BLK: variants seen among roughly 807,000 people sequenced by gnomAD.
BLK encodes the protein BLK proto-oncogene, Src family tyrosine kinase, also known as tyrosine-protein kinase Blk.
A neutral mutation model predicts 61.8 loss-of-function variants in BLK; 64 were observed. The ratio of observed to expected loss-of-function variants is 1.03; its 90% CI spans 0.85 to 1.27. The LOEUF is 1.27. BLK is among the 50% of genes most tolerant of loss of function. The probability of loss-of-function intolerance (pLI) is 0.00; values close to 1 mark genes in which losing one functional copy is unlikely to be tolerated. For synonymous variants in BLK, 351 were observed against 272.0 expected, an observed-to-expected ratio of 1.29 and a Z score of -2.86; for missense variants, 853 against 660.5, an observed-to-expected ratio of 1.29 and a Z score of -3.19.
chr8:11,553,309 GTGC>G (rs1030776586), intron 6 of BLK: 7 of 382,128 alleles, frequency 1.8e-5, no homozygotes, highest in African/African-American at 1.5e-4. Flanking sequence ...CGGTCCTTCA[GTGC>G]TGAGAAATCT....
chr8:11,510,745 C>T (rs932916481), intron 1 of BLK, among the ~76,000 whole-genome samples: 1 of 151,748 alleles, frequency 6.6e-6, no homozygotes, highest in African/African-American at 2.4e-5. Context: ...CGCCACTGTA[C>T]TCCAGCCAGG....
At chr8:11,510,294 C>T (rs561465185) in intron 1 of BLK, among the ~76,000 whole-genome samples, 1 of 152,108 alleles carries the variant, frequency 6.6e-6, no homozygotes, top group African/African-American at 2.4e-5. Context: ...TTCTCCAGCT[C>T]CTTGACGGCC....
At chr8:11,555,576 C>A in intron 8 of BLK, 92 bp downstream of exon 8, 1 of 1,572,242 alleles carries the variant, frequency 6.4e-7, no homozygotes, top group Non-Finnish European at 8.7e-7. Context: ...GCGTGTCATC[C>A]CTCCCCCAGA....
At chr8:11,541,741 G>A (rs910597442) in intron 1 of BLK, among the ~76,000 whole-genome samples, 3 of 152,074 alleles carry the variant, frequency 2.0e-5, no homozygotes, top group African/African-American at 7.2e-5. Context: ...CAAGGGATCT[G>A]CCCGCCTCGG....
chr8:11,559,440 GAC>G (rs550069732), intron 10 of BLK, among the ~76,000 whole-genome samples: 106 of 150,240 alleles, frequency 7.1e-4, no homozygotes, highest in African/African-American at 1.9e-3. Context: ...AACTCACACA[GAC>G]ACACAAATAC....
chr8:11,496,958 G>C (rs1182586670), intron 1 of BLK, among the ~76,000 whole-genome samples: 4 of 152,130 alleles, frequency 2.6e-5, no homozygotes, highest in African/African-American at 9.7e-5. Flanking sequence ...CAGCCTTGGG[G>C]ACTGGCCACC....
intron 1 of BLK, among the ~76,000 whole-genome samples, chr8:11,522,650 A>G (rs945842247): frequency 6.6e-6 from 1 of 151,812 alleles, no homozygotes; most frequent in Non-Finnish European, 1.5e-5. Context: ...AAGGAAGTTT[A>G]TTCACTTAAT....
At chr8:11,550,979 C>G (rs932170709) in intron 6 of BLK, among the ~76,000 whole-genome samples, 1 of 152,142 alleles carries the variant, frequency 6.6e-6, no homozygotes, top group Admixed American at 6.5e-5. Flanking sequence ...CCACCAGGAG[C>G]CCCCTCACTC....
chr8:11,557,675 C>A (rs7814414), intron 9 of BLK, among the ~76,000 whole-genome samples: 3 of 152,000 alleles, frequency 2.0e-5, no homozygotes, highest in Non-Finnish European at 2.9e-5. Flanking sequence ...GGTCCCACTC[C>A]CAGCTCCCGG....
intron 1 of BLK, among the ~76,000 whole-genome samples, chr8:11,514,333 A>C (rs1334438098): frequency 6.6e-6 from 1 of 152,196 alleles, no homozygotes; most frequent in Non-Finnish European, 1.5e-5. Context: ...GTCCTTTGCG[A>C]GAGAGAGGCA....
At chr8:11,495,323 G>T (rs1476622034) in intron 1 of BLK, among the ~76,000 whole-genome samples, 2 of 145,540 alleles carry the variant, frequency 1.4e-5, no homozygotes, top group Non-Finnish European at 3.0e-5. Context: ...AGTAACAGAA[G>T]AAATTGCTGT....
chr8:11,545,961 A>G (rs1018069141), intron 2 of BLK, 91 bp from the exon 3 acceptor site: 45 of 1,370,824 alleles, frequency 3.3e-5, no homozygotes, highest in Non-Finnish European at 4.5e-5. Context: ...CCCTGGAGAT[A>G]CCCTGGCTGC....
intron 1 of BLK, among the ~76,000 whole-genome samples, chr8:11,523,740 G>C (rs1462638518): frequency 6.6e-6 from 1 of 151,994 alleles, no homozygotes; most frequent in Non-Finnish European, 1.5e-5. Flanking sequence ...ATCATAATAA[G>C]AGAAACACAA....
At chr8:11,524,006 T>A (rs1479111709) in intron 1 of BLK, among the ~76,000 whole-genome samples, 2 of 152,162 alleles carry the variant, frequency 1.3e-5, no homozygotes, top group African/African-American at 4.8e-5. Context: ...TAATTCCGGT[T>A]ATGGAAACAT....
intron 1 of BLK, among the ~76,000 whole-genome samples, chr8:11,512,905 G>A (rs528441982): frequency 6.6e-6 from 1 of 152,304 alleles, no homozygotes; most frequent in African/African-American, 2.4e-5. Context: ...GACCTCAAGT[G>A]ATCTGCCCGC....
chr8:11,532,480 G>C (rs1563099896), intron 1 of BLK, among the ~76,000 whole-genome samples: 2 of 151,842 alleles, frequency 1.3e-5, no homozygotes, highest in African/African-American at 4.8e-5. Context: ...TAAAGTGCTG[G>C]GATTACAGGC....
chr8:11,507,225 G>A (rs756259134), intron 1 of BLK, among the ~76,000 whole-genome samples: 2 of 152,186 alleles, frequency 1.3e-5, no homozygotes, highest in Non-Finnish European at 2.9e-5. Flanking sequence ...AAACTGAAGC[G>A]GGCTAGGGAG....
chr8:11,496,418 T>C (rs563443533), intron 1 of BLK, among the ~76,000 whole-genome samples: 1 of 152,166 alleles, frequency 6.6e-6, no homozygotes, highest in Non-Finnish European at 1.5e-5. Flanking sequence ...TTTAATCTTA[T>C]TTTTTGAAGA....
intron 1 of BLK, chr8:11,509,251 G>C (rs1798902704): frequency 6.6e-6 from 1 of 152,186 alleles, no homozygotes; most frequent in South Asian, 2.1e-4. Context: ...CCCCAGCTCG[G>C]TTTCCAGCAT....
Sources: gnomAD v4.1 joint callset for allele counts (sites outside exome capture counted in the v4.1 genomes callset) on GRCh38, gnomAD v4.1.1 for gene constraint, MANE v1.5 for transcripts, NCBI Gene and HGNC (gene_info 2026-07-23, HGNC 2026-07-21) for gene names.